The following LRMDA variants were observed in gnomAD, a reference collection of about 807,000 sequenced individuals.
The protein encoded by LRMDA is leucine-rich melanocyte differentiation-associated protein.
In LRMDA, 18 loss-of-function variants were observed where a neutral mutation model predicts 29.8. The ratio of observed to expected loss-of-function variants is 0.60; its 90% CI spans 0.42 to 0.90. The LOEUF (loss-of-function observed/expected upper bound fraction) is 0.90, where lower values mean the gene tolerates loss of function less well. Among genes scored for constraint, LRMDA ranks in the 40% least tolerant of loss-of-function variants. The pLI, the probability that LRMDA is intolerant of heterozygous loss-of-function variation, is 0.00. For missense variants in LRMDA, 273 were observed against 273.9 expected, an observed-to-expected ratio of 1.00 and a Z score of 0.02; for synonymous variants, 125 against 109.4, an observed-to-expected ratio of 1.14 and a Z score of -0.89.
chr10:75,650,435 C>G (rs1222526988), intron 2 of LRMDA, among the ~76,000 whole-genome samples: 4 of 151,928 alleles, frequency 2.6e-5, no homozygotes, highest in African/African-American at 9.7e-5. Context: ...TCTAGGTTCT[C>G]TATTCTTTTA....
At chr10:75,462,954 A>G (rs1190231367) in intron 2 of LRMDA, among the ~76,000 whole-genome samples, 4 of 152,212 alleles carry the variant, frequency 2.6e-5, no homozygotes, top group African/African-American at 4.8e-5. Context: ...TTGTAGAGTG[A>G]TGAGACAATT....
intron 6 of LRMDA, among the ~76,000 whole-genome samples, chr10:76,363,145 G>GAAAGA (rs1554815846): frequency 8.5e-5 from 3 of 35,450 alleles, no homozygotes; most frequent in African/African-American, 2.7e-4. Context: ...AAGAAAGAAA[G>GAAAGA]AAAGAAAGAA....
chr10:75,692,979 G>A (rs1377594104), intron 2 of LRMDA, among the ~76,000 whole-genome samples: 1 of 152,022 alleles, frequency 6.6e-6, no homozygotes, highest in East Asian at 1.9e-4. Context: ...TGTGAGAGTG[G>A]GTGCCTGTGT....
chr10:75,735,768 A>C (rs910990984), intron 2 of LRMDA, among the ~76,000 whole-genome samples: 1 of 152,212 alleles, frequency 6.6e-6, no homozygotes, highest in South Asian at 2.1e-4. Flanking sequence ...AGAAGCCGCT[A>C]TCAGCTACCC....
At chr10:76,242,940 G>A (rs1247670709) in intron 5 of LRMDA, among the ~76,000 whole-genome samples, 1 of 152,164 alleles carries the variant, frequency 6.6e-6, no homozygotes, top group Non-Finnish European at 1.5e-5. Context: ...GTGAGGATAA[G>A]ATGAGCAGCT....
chr10:75,855,339 T>C (rs1304060452), intron 2 of LRMDA, among the ~76,000 whole-genome samples: 2 of 152,244 alleles, frequency 1.3e-5, no homozygotes, highest in Non-Finnish European at 2.9e-5. Flanking sequence ...CATTTTTTCA[T>C]GTGTCTGTTG....
intron 2 of LRMDA, among the ~76,000 whole-genome samples, chr10:75,781,943 T>G (rs1589198374): frequency 6.6e-6 from 1 of 152,184 alleles, no homozygotes; most frequent in African/African-American, 2.4e-5. Flanking sequence ...CCTGGGGTGA[T>G]GGGGAGAAGG....
chr10:76,015,450 T>C (rs1335144295), intron 2 of LRMDA, among the ~76,000 whole-genome samples: 1 of 152,184 alleles, frequency 6.6e-6, no homozygotes, highest in African/African-American at 2.4e-5. Context: ...CCTCGGCTCC[T>C]TGCCACATGG....
intron 2 of LRMDA, among the ~76,000 whole-genome samples, chr10:75,873,596 C>A (rs903598985): frequency 1.3e-5 from 2 of 152,158 alleles, no homozygotes; most frequent in African/African-American, 4.8e-5. Flanking sequence ...GTCAGAATCA[C>A]AGGGCTATAA....
intron 6 of LRMDA, among the ~76,000 whole-genome samples, chr10:76,392,352 T>C (rs1378261217): frequency 6.6e-6 from 1 of 152,158 alleles, no homozygotes; most frequent in Non-Finnish European, 1.5e-5. Flanking sequence ...AAATTGTATA[T>C]GTTTGTCATG....
chr10:76,406,922 A>C (rs958285569), intron 6 of LRMDA, among the ~76,000 whole-genome samples: 4 of 152,240 alleles, frequency 2.6e-5, no homozygotes, highest in Non-Finnish European at 5.9e-5. Context: ...TAATTGTTCC[A>C]GATCTCAGTA....
chr10:76,251,616 A>T (rs955026047), intron 5 of LRMDA, among the ~76,000 whole-genome samples: 1 of 152,200 alleles, frequency 6.6e-6, no homozygotes, highest in African/African-American at 2.4e-5. Context: ...GTGCTATCAT[A>T]GCGGTGTGAG....
intron 5 of LRMDA, among the ~76,000 whole-genome samples, chr10:76,311,037 T>TC (rs944693682): frequency 6.6e-6 from 1 of 152,058 alleles, no homozygotes; most frequent in African/African-American, 2.4e-5. Flanking sequence ...CATTTTTTTT[T>TC]CAACCCCTGG....
At chr10:75,510,543 G>C (rs1238984547) in intron 2 of LRMDA, among the ~76,000 whole-genome samples, 1 of 152,134 alleles carries the variant, frequency 6.6e-6, no homozygotes, top group African/African-American at 2.4e-5. Context: ...GGGTATGAGA[G>C]GCTTCTTGGG....
chr10:76,455,617 T>C (rs1842449011), intron 6 of LRMDA, among the ~76,000 whole-genome samples: 1 of 152,202 alleles, frequency 6.6e-6, no homozygotes, highest in African/African-American at 2.4e-5. Context: ...TGGTCACCTC[T>C]AAACTCAAAT....
intron 5 of LRMDA, among the ~76,000 whole-genome samples, chr10:76,128,549 C>G (rs1849928688): frequency 6.6e-6 from 1 of 152,158 alleles, no homozygotes; most frequent in Non-Finnish European, 1.5e-5. Flanking sequence ...TGAGTGAGGC[C>G]AGATGCCACA....
chr10:76,317,931 A>G (rs1233061500), intron 5 of LRMDA, among the ~76,000 whole-genome samples: 3 of 152,210 alleles, frequency 2.0e-5, no homozygotes, highest in Admixed American at 2.0e-4. Context: ...TTATGTAGTT[A>G]AAAACCACAA....
chr10:75,969,349 T>C (rs1345865846), intron 2 of LRMDA, among the ~76,000 whole-genome samples: 2 of 152,242 alleles, frequency 1.3e-5, no homozygotes, highest in Non-Finnish European at 2.9e-5. Flanking sequence ...GAGAATCCCT[T>C]TGACATGTAT....
At chr10:76,016,045 A>G (rs762096721) in intron 2 of LRMDA, among the ~76,000 whole-genome samples, 8 of 152,070 alleles carry the variant, frequency 5.3e-5, no homozygotes, top group Non-Finnish European at 8.8e-5. Flanking sequence ...TGACAGTTCT[A>G]TTGTTATCTT....
Sources: allele counts gnomAD v4.1 joint callset (sites outside exome capture counted in the v4.1 genomes callset), GRCh38; gene constraint gnomAD v4.1.1; transcripts MANE v1.5; gene names NCBI Gene and HGNC (gene_info 2026-07-23, HGNC 2026-07-21).